Variants in MICU2 observed in about 807,000 individuals in gnomAD.
MICU2 encodes the protein mitochondrial calcium uptake 2, also known as calcium uptake protein 2, mitochondrial.
In MICU2, 64 loss-of-function variants were observed where a neutral mutation model predicts 60.4. That is an observed-to-expected ratio of 1.06 (90% CI 0.87 to 1.31). The LOEUF (loss-of-function observed/expected upper bound fraction) is 1.31. Ranked by LOEUF, MICU2 falls within the 50% of genes most tolerant of loss-of-function variation. MICU2 has a pLI of 0.00. For missense variants in MICU2, 569 were observed against 531.0 expected (o/e 1.07, Z -0.70); for synonymous variants, 201 against 175.0 (o/e 1.15, Z -1.17).
At chr13:21,555,845 G>A (rs943588526) in intron 2 of MICU2, among the ~76,000 whole-genome samples, 3 of 152,180 alleles carry the variant, frequency 2.0e-5, no homozygotes, top group African/African-American at 7.2e-5. Flanking sequence ...TAGATGTCAT[G>A]TGGTGTGCAT....
At chr13:21,537,755 C>G (rs1887169653) in intron 4 of MICU2, among the ~76,000 whole-genome samples, 1 of 152,182 alleles carries the variant, frequency 6.6e-6, no homozygotes, top group Non-Finnish European at 1.5e-5. Context: ...GCTGGGATTA[C>G]AGGCGTGAGC....
chr13:21,533,606 A>T (rs1396008856), intron 4 of MICU2, among the ~76,000 whole-genome samples: 1 of 151,978 alleles, frequency 6.6e-6, no homozygotes, highest in African/African-American at 2.4e-5. Flanking sequence ...TACAAGCGTG[A>T]GCCACTGCGC....
chr13:21,603,603 G>T, intron 1 of MICU2: 1 of 363,588 alleles, frequency 2.8e-6, no homozygotes, highest in Non-Finnish European at 5.0e-6. Context: ...GAGGCGCAGT[G>T]AGATTCTGAA....
chr13:21,510,059 TC>T lies in MICU2; in HGVS notation c.705del (p.Met236CysfsTer40). The stretch of plus-strand genomic sequence containing the variant: ...TGTCCTCTTTTTCCAAAGAAACGCA[TC>T]TGAAGAGTTGTGTTAATTTCAGGTT... ...VKEPEINTTL[Q>X]MRFFGKRGQR... On this transcript the variant is annotated frameshift_variant, in exon 8 of 12. Coordinates refer to ENST00000382374, the MANE Select transcript of MICU2 (RefSeq NM_152726.3). LOFTEE classifies it high-confidence loss of function. The T allele has an allele frequency of 6.5e-7, 1 of 1,537,206 alleles. No individual in the cohort carries two copies. The highest frequency in any genetic ancestry group is 8.7e-7 in the Non-Finnish European group (1 of 1,148,182).
At chr13:21,519,814 A>G (rs897934168) in intron 6 of MICU2, among the ~76,000 whole-genome samples, 1 of 152,230 alleles carries the variant, frequency 6.6e-6, no homozygotes, top group Non-Finnish European at 1.5e-5. Flanking sequence ...ATGAGGAAAG[A>G]GCAGGGGCTC....
intron 6 of MICU2, among the ~76,000 whole-genome samples, chr13:21,516,854 C>A (rs371794279): frequency 1.1e-4 from 17 of 152,164 alleles, no homozygotes; most frequent in East Asian, 7.7e-4. Context: ...TGCAGTCCTT[C>A]CCACCAATAT....
In MICU2 at chr13:21,598,209, T is replaced by C. The variant is rs548836666; in HGVS notation, c.210+5730A>G. On this transcript the variant is annotated intron_variant, in intron 1 of 11. Coordinates refer to ENST00000382374, the MANE Select transcript of MICU2 (RefSeq NM_152726.3). ...AAACAACAACAACAAAAACCTGTTA[T>C]GAATTAAAAAAAACTAAAGTATCCA... Among the ~76,000 whole-genome samples, 4 of 152,176 alleles carry C rather than the reference T, an allele frequency of 2.6e-5. No individual in the cohort carries two copies. The South Asian group carries it at 8.3e-4, about 32-fold the overall frequency.
At chr13:21,563,653 ACAC>A (rs975041463) in intron 2 of MICU2, among the ~76,000 whole-genome samples, 33 of 151,702 alleles carry the variant, frequency 2.2e-4, no homozygotes, top group African/African-American at 8.0e-4. Flanking sequence ...CTTATATGTT[ACAC>A]CTTTTATAAC....
intron 4 of MICU2, among the ~76,000 whole-genome samples, chr13:21,525,952 T>A (rs909145991): frequency 2.2e-5 from 3 of 137,346 alleles, no homozygotes; most frequent in African/African-American, 8.9e-5. Context: ...TTATTTATTT[T>A]TTAACAAGGT....
At chr13:21,509,675 T>G (rs1030897812) in intron 8 of MICU2, among the ~76,000 whole-genome samples, 1 of 152,210 alleles carries the variant, frequency 6.6e-6, no homozygotes, top group African/African-American at 2.4e-5. Flanking sequence ...ATGGTTGTTG[T>G]TTTAAGTTGG....
intron 8 of MICU2, among the ~76,000 whole-genome samples, 195 bp downstream of exon 8, chr13:21,509,809 G>A (rs1886382483): frequency 6.6e-6 from 1 of 152,158 alleles, no homozygotes; most frequent in Admixed American, 6.5e-5. Flanking sequence ...AGTAAGGTAC[G>A]ATATTTTGAG....
intron 1 of MICU2, among the ~76,000 whole-genome samples, chr13:21,585,741 CTAAGT>C (rs1888442021): frequency 6.6e-6 from 1 of 152,118 alleles, no homozygotes; most frequent in South Asian, 2.1e-4. Flanking sequence ...AATTCACTTC[CTAAGT>C]TATTAATAAT....
At position 21,566,907 on chromosome 13, in the gene MICU2, G is replaced by A. The variant is rs149549167; in HGVS notation, c.248C>T (p.Pro83Leu). ...CATGAAGCGCTGCTTACGAAGAGAC[G>A]GTTTCCCAATATATATTATTCCATG... ...VEHGIIYIGK[P>L]SLRKQRFMQF... Residue 83 changes from proline (P) to leucine (L), a missense_variant, in exon 2 of 12, where the codon CCG becomes CTG. Coordinates refer to ENST00000382374, the MANE Select transcript of MICU2 (RefSeq NM_152726.3). 131 of 1,607,570 alleles carry A rather than the reference G, an allele frequency of 8.1e-5. No individual in the cohort carries two copies. The highest frequency in any genetic ancestry group is 1.7e-4 in the Middle Eastern group (1 of 6,054).
intron 2 of MICU2, among the ~76,000 whole-genome samples, chr13:21,564,816 G>A (rs1232084474): frequency 1.3e-5 from 2 of 152,146 alleles, no homozygotes; most frequent in Non-Finnish European, 2.9e-5. Context: ...TGAGAACCTG[G>A]CAGAGTTCCT....
rs181048683 is a variant in MICU2 at position 21,596,635 on chromosome 13, G to A, written c.210+7304C>T. Among the ~76,000 whole-genome samples the A allele has an allele frequency of 3.5e-4, 53 of 152,152 alleles. 2 individuals are homozygous for A. The East Asian group carries it at 8.9e-3, about 26-fold the overall frequency. On this transcript the variant is annotated intron_variant, in intron 1 of 11. Coordinates refer to ENST00000382374, the MANE Select transcript of MICU2 (RefSeq NM_152726.3). ...GATGGGGTTTCACCACGTTGGCCAG[G>A]CTGGTTTCAAGCCCCTGATCTCAAG...
intron 4 of MICU2, among the ~76,000 whole-genome samples, chr13:21,526,607 A>G (rs935443927): frequency 2.6e-5 from 4 of 152,138 alleles, no homozygotes; most frequent in Non-Finnish European, 5.9e-5. Flanking sequence ...AAAAGTTTAG[A>G]AAAATGTGCA....
chr13:21,563,436 T>C (rs1240400425), intron 2 of MICU2, among the ~76,000 whole-genome samples: 7 of 149,916 alleles, frequency 4.7e-5, no homozygotes, highest in Non-Finnish European at 8.8e-5. Context: ...GCCTGGGCTA[T>C]AGAGTGAGAC....
At position 21,579,217 on chromosome 13, in the gene MICU2, GTTC is replaced by G. The variant is rs1258263096; in HGVS notation, c.211-12276_211-12274del. Among the ~76,000 whole-genome samples the G allele has an allele frequency of 1.8e-4, 27 of 152,104 alleles. No homozygotes were observed. In the South Asian group the frequency reaches 3.1e-3, roughly 18 times the overall value. On this transcript the variant is annotated intron_variant, in intron 1 of 11. Transcript: ENST00000382374. ...TAAGATACATGCAATTCATATTTCT[GTTC>G]TTGTTTATTAATTAAATCACCAGTA...
chr13:21,595,083 A>G (rs1196532633), intron 1 of MICU2, among the ~76,000 whole-genome samples: 2 of 152,236 alleles, frequency 1.3e-5, no homozygotes, highest in African/African-American at 4.8e-5. Flanking sequence ...TTAAAAAGAA[A>G]AAAGAAAAGA....
Sources: allele counts gnomAD v4.1 joint callset (sites outside exome capture counted in the v4.1 genomes callset), GRCh38; gene constraint gnomAD v4.1.1; transcripts MANE v1.5; gene names NCBI Gene and HGNC (gene_info 2026-07-23, HGNC 2026-07-21).